Variants in SAMD12 observed in about 807,000 individuals in gnomAD.
The protein encoded by SAMD12 is sterile alpha motif domain-containing protein 12.
Under a neutral mutation model 15.0 loss-of-function variants are expected in SAMD12, and 9 were observed. That is an observed-to-expected ratio of 0.60 (90% confidence interval 0.36 to 1.05). The LOEUF is 1.05. Ranked by LOEUF, SAMD12 falls within the 50% of genes least tolerant of loss-of-function variation. The pLI is 0.01. For synonymous variants in SAMD12, 86 were observed against 90.1 expected (o/e 0.96, Z 0.25); for missense variants, 230 against 234.2 (o/e 0.98, Z 0.12).
chr8:118,164,888 A>G, the SAMD12 span, among the ~76,000 whole-genome samples: 3 of 151,680 alleles, frequency 2.0e-5, no homozygotes, highest in African/African-American at 7.3e-5. Context: ...CATTCCACAT[A>G]TGCATATATG....
chr8:118,426,778 T>C (rs1427479077), intron 3 of SAMD12, among the ~76,000 whole-genome samples: 1 of 152,094 alleles, frequency 6.6e-6, no homozygotes, highest in Non-Finnish European at 1.5e-5. Flanking sequence ...ATGTATGTTT[T>C]TCTTCAAGCA....
chr8:118,359,582 G>C (rs1322078295), intron 4 of SAMD12, among the ~76,000 whole-genome samples: 1 of 152,182 alleles, frequency 6.6e-6, no homozygotes, highest in Non-Finnish European at 1.5e-5. Context: ...TGGTATCTAA[G>C]AGCATCGCGC....
intron 3 of SAMD12, among the ~76,000 whole-genome samples, chr8:118,381,127 A>C (rs1819648993): frequency 6.6e-6 from 1 of 152,230 alleles, no homozygotes; most frequent in African/African-American, 2.4e-5. Flanking sequence ...ATGTGCCCAG[A>C]AGTGAGATGT....
At chr8:118,523,579 C>A (rs575099754) in intron 2 of SAMD12, among the ~76,000 whole-genome samples, 2 of 152,258 alleles carry the variant, frequency 1.3e-5, no homozygotes, top group East Asian at 3.9e-4. Context: ...CCTGACAAAA[C>A]CCCAATCTTC....
chr8:118,206,884 G>A (rs897077553), intron 4 of SAMD12, among the ~76,000 whole-genome samples: 2 of 152,204 alleles, frequency 1.3e-5, no homozygotes, highest in African/African-American at 4.8e-5. Flanking sequence ...AGTTCCTTCA[G>A]GCAAGAAGTA....
chr8:118,536,224 CTCTA>C (rs1474944224), intron 2 of SAMD12, among the ~76,000 whole-genome samples: 1 of 152,096 alleles, frequency 6.6e-6, no homozygotes, highest in Non-Finnish European at 1.5e-5. Flanking sequence ...CCCACACCCC[CTCTA>C]TCTGTTTTCT....
intron 2 of SAMD12, among the ~76,000 whole-genome samples, chr8:118,473,270 G>C (rs1823857414): frequency 6.6e-6 from 1 of 152,100 alleles, no homozygotes; most frequent in South Asian, 2.1e-4. Context: ...GTCCCCTGGT[G>C]GTTTTCTAAA....
intron 4 of SAMD12, among the ~76,000 whole-genome samples, chr8:118,212,078 G>T (rs62532660): frequency 7.3e-5 from 11 of 150,972 alleles, no homozygotes; most frequent in Middle Eastern, 3.4e-3. Flanking sequence ...GTGTGTGTGT[G>T]TGTGTTTGTG....
intron 1 of SAMD12, among the ~76,000 whole-genome samples, chr8:118,594,312 T>C (rs1827664338): frequency 1.3e-5 from 2 of 152,148 alleles, no homozygotes; most frequent in Admixed American, 6.5e-5. Flanking sequence ...TATTCTACTG[T>C]CTTGTCTGCA....
intron 4 of SAMD12, among the ~76,000 whole-genome samples, chr8:118,334,288 G>A (rs932878120): frequency 1.1e-4 from 16 of 152,020 alleles, no homozygotes; most frequent in South Asian, 8.3e-4. Context: ...CCTCAACACC[G>A]TACCTGGCAT....
chr8:118,493,456 C>G (rs900118028), intron 2 of SAMD12, among the ~76,000 whole-genome samples: 4 of 152,214 alleles, frequency 2.6e-5, no homozygotes, highest in African/African-American at 9.7e-5. Context: ...AGCTCATCGT[C>G]TGCCTCTACC....
At chr8:118,321,284 GTTTTTTTTTTGTTTT>G (rs1237837603) in intron 4 of SAMD12, among the ~76,000 whole-genome samples, 2 of 121,872 alleles carry the variant, frequency 1.6e-5, no homozygotes, top group Non-Finnish European at 3.4e-5. Flanking sequence ...GAAAAGAGGT[GTTTTTTTTTTGTTTT>G]TTTTTTTTTT....
chr8:118,330,113 A>T (rs934236555), intron 4 of SAMD12, among the ~76,000 whole-genome samples: 1 of 152,190 alleles, frequency 6.6e-6, no homozygotes, highest in Non-Finnish European at 1.5e-5. Flanking sequence ...AAAGAAATAG[A>T]ACAACCATTC....
intron 1 of SAMD12, among the ~76,000 whole-genome samples, chr8:118,585,870 C>T (rs1253755501): frequency 6.6e-6 from 1 of 152,166 alleles, no homozygotes; most frequent in Non-Finnish European, 1.5e-5. Flanking sequence ...TCTCTGCTCA[C>T]AGTGATGCTA....
In SAMD12 at chr8:118,621,866, C is replaced by T; in HGVS notation, c.-50G>A. On this transcript the variant is annotated 5_prime_UTR_variant, in exon 1 of 4. Coordinates refer to ENST00000314727, the MANE Select transcript of SAMD12 (RefSeq NM_207506.3). ...GCATAATTTTCTTGGCCGAGGTACTCCTCCTGCCCCGCGCTCCCCCCTTCC... is the reference window on the plus strand; with the variant it reads ...GCATAATTTTCTTGGCCGAGGTACTTCTCCTGCCCCGCGCTCCCCCCTTCC... The T allele has an allele frequency of 3.1e-6, 5 of 1,599,560 alleles. No individual in the cohort carries two copies. Among genetic ancestry groups the T allele is most frequent in the Non-Finnish European group, 4.3e-6 (5 of 1,166,822 alleles).
intron 4 of SAMD12, among the ~76,000 whole-genome samples, chr8:118,333,273 G>A (rs190882862): frequency 3.9e-5 from 6 of 152,130 alleles, no homozygotes; most frequent in Admixed American, 6.5e-5. Flanking sequence ...ATTTTTATGC[G>A]ACAAAATAAG....
chr8:118,605,010 G>A (rs1193647060), intron 1 of SAMD12, among the ~76,000 whole-genome samples: 1 of 152,192 alleles, frequency 6.6e-6, no homozygotes, highest in African/African-American at 2.4e-5. Flanking sequence ...AGTAAGCTGT[G>A]ATAAAGATAG....
At chr8:118,230,129 T>C (rs1812275682) in intron 4 of SAMD12, among the ~76,000 whole-genome samples, 1 of 151,980 alleles carries the variant, frequency 6.6e-6, no homozygotes, top group Non-Finnish European at 1.5e-5. Context: ...AGGGTAACAA[T>C]GATAATAGGA....
At chr8:118,531,401 T>C (rs949744382) in intron 2 of SAMD12, among the ~76,000 whole-genome samples, 3 of 152,226 alleles carry the variant, frequency 2.0e-5, no homozygotes, top group African/African-American at 7.2e-5. Flanking sequence ...AGAATGGTCT[T>C]GGCAGTGTGG....
Sources: allele counts gnomAD v4.1 joint callset (sites outside exome capture counted in the v4.1 genomes callset), GRCh38; gene constraint gnomAD v4.1.1; transcripts MANE v1.5; gene names NCBI Gene and HGNC (gene_info 2026-07-23, HGNC 2026-07-21).